Variants in AGMO observed in about 807,000 individuals in gnomAD.
AGMO encodes alkylglycerol monooxygenase.
A neutral mutation model predicts 60.2 loss-of-function variants in AGMO; 75 were observed. The observed-to-expected ratio is 1.25, with a 90% CI of 1.03 to 1.51. The LOEUF (loss-of-function observed/expected upper bound fraction) is 1.51. Ranked by LOEUF, AGMO falls within the 40% of genes most tolerant of loss-of-function variation. The pLI is 0.00. For synonymous variants in AGMO, 261 were observed against 177.1 expected (o/e 1.47, Z -3.76); for missense variants, 763 against 525.5 (o/e 1.45, Z -4.42).
chr7:15,494,424 CTGAGAT>C (rs1583612283), intron 3 of AGMO, among the ~76,000 whole-genome samples: 1 of 152,194 alleles, frequency 6.6e-6, no homozygotes, highest in East Asian at 1.9e-4. Flanking sequence ...TGTTTAATGA[CTGAGAT>C]TAAGATATGC....
At chr7:15,404,565 G>A (rs564080990) in intron 5 of AGMO, among the ~76,000 whole-genome samples, 113 of 151,928 alleles carry the variant, frequency 7.4e-4, no homozygotes, top group African/African-American at 2.7e-3. Context: ...TATATTTACA[G>A]GTTTAGGCAT....
intron 12 of AGMO, among the ~76,000 whole-genome samples, chr7:15,282,427 A>G (rs1783994343): frequency 6.6e-6 from 1 of 152,146 alleles, no homozygotes; most frequent in African/African-American, 2.4e-5. Flanking sequence ...GGGAGTTACA[A>G]AATGTAGTGG....
intron 10 of AGMO, among the ~76,000 whole-genome samples, chr7:15,380,349 A>G (rs750847914): frequency 1.3e-5 from 2 of 152,168 alleles, no homozygotes; most frequent in Non-Finnish European, 2.9e-5. Context: ...AATCACTGGC[A>G]TTTCTATACA....
chr7:15,377,581 T>C (rs1261369616), intron 10 of AGMO, among the ~76,000 whole-genome samples: 1 of 152,058 alleles, frequency 6.6e-6, no homozygotes, highest in Non-Finnish European at 1.5e-5. Flanking sequence ...CTTTTGTTTC[T>C]ATGAATCAGT....
chr7:15,340,837 TC>T (rs1320106694), intron 12 of AGMO, among the ~76,000 whole-genome samples: 1 of 151,580 alleles, frequency 6.6e-6, no homozygotes, highest in Non-Finnish European at 1.5e-5. Flanking sequence ...CCACACAGAG[TC>T]CCCACTGGGC....
the AGMO span, among the ~76,000 whole-genome samples, chr7:15,171,175 G>A: frequency 8.6e-5 from 13 of 152,024 alleles, no homozygotes; most frequent in East Asian, 2.3e-3. Context: ...TAGAGACGGG[G>A]TTTCACCGTG....
chr7:15,327,935 TA>T lies in AGMO; in HGVS notation c.1263+37578del, dbSNP rs1385367120. Among the ~76,000 whole-genome samples the T allele has an allele frequency of 4.4e-3, 652 of 147,640 alleles. 5 individuals are homozygous for T. The highest frequency in any genetic ancestry group is 0.017 in the Middle Eastern group (5 of 288). ...TGTATGCCATGTTGCCGGGCTAATT[TA>T]AAAAAAAAAATTTTTTTTTGGTTGA... On this transcript the variant is annotated intron_variant, in intron 12 of 12. Coordinates refer to ENST00000342526, the MANE Select transcript of AGMO (RefSeq NM_001004320.2).
At chr7:15,322,896 G>GAA (rs1429714077) in intron 12 of AGMO, among the ~76,000 whole-genome samples, 23 of 142,446 alleles carry the variant, frequency 1.6e-4, no homozygotes, top group Non-Finnish European at 2.4e-4. Context: ...CTTGATACAG[G>GAA]AAAAAATATA....
intron 3 of AGMO, among the ~76,000 whole-genome samples, chr7:15,434,360 A>C (rs1781339107): frequency 6.6e-6 from 1 of 152,128 alleles, no homozygotes; most frequent in South Asian, 2.1e-4. Flanking sequence ...AGTGTGAGCC[A>C]GATTTAGTGA....
At chr7:15,355,213 C>T (rs902703157) in intron 12 of AGMO, among the ~76,000 whole-genome samples, 20 of 151,952 alleles carry the variant, frequency 1.3e-4, no homozygotes, top group African/African-American at 4.6e-4. Flanking sequence ...GCTAAAGAAG[C>T]CAATATTGGC....
intron 12 of AGMO, among the ~76,000 whole-genome samples, chr7:15,265,302 G>A (rs754957626): frequency 7.9e-5 from 12 of 151,988 alleles, no homozygotes; most frequent in Non-Finnish European, 1.3e-4. Context: ...GAGAGAGGGA[G>A]AGAAGTGTGG....
intron 12 of AGMO, among the ~76,000 whole-genome samples, chr7:15,290,806 T>G (rs188713487): frequency 6.6e-6 from 1 of 152,206 alleles, no homozygotes; most frequent in Non-Finnish European, 1.5e-5. Context: ...ACAATCTGAA[T>G]GATAGTTAAA....
the AGMO span, among the ~76,000 whole-genome samples, chr7:15,148,913 AATT>A: frequency 5.3e-5 from 8 of 152,070 alleles, no homozygotes; most frequent in African/African-American, 1.7e-4. Flanking sequence ...CGGTGGGTAA[AATT>A]ATTAACATTC....
At chr7:15,327,740 CTT>C (rs546851399) in intron 12 of AGMO, among the ~76,000 whole-genome samples, 33 of 87,974 alleles carry the variant, frequency 3.8e-4, no homozygotes, top group African/African-American at 9.7e-4. Context: ...TGATTTCTTT[CTT>C]TTTTTTTTTT....
intron 12 of AGMO, among the ~76,000 whole-genome samples, chr7:15,348,253 T>C (rs1782105848): frequency 6.6e-6 from 1 of 152,072 alleles, no homozygotes; most frequent in Admixed American, 6.6e-5. Flanking sequence ...CATTCATCTG[T>C]ATCCTCTGTC....
intron 10 of AGMO, among the ~76,000 whole-genome samples, chr7:15,381,448 G>C (rs991692490): frequency 6.6e-6 from 1 of 152,042 alleles, no homozygotes. Context: ...CTGACTGTTA[G>C]AGAAATGCAA....
chr7:15,426,020 T>C (rs1260813364), intron 4 of AGMO, among the ~76,000 whole-genome samples: 2 of 152,216 alleles, frequency 1.3e-5, no homozygotes, highest in African/African-American at 2.4e-5. Context: ...ACTAGCTTTA[T>C]AGATAAAACA....
intron 12 of AGMO, among the ~76,000 whole-genome samples, chr7:15,358,658 C>CA (rs1459188273): frequency 1.3e-5 from 2 of 152,104 alleles, no homozygotes; most frequent in Non-Finnish European, 2.9e-5. Context: ...GAGAAGGAAG[C>CA]AACCCAAACC....
chr7:15,464,346 A>G (rs1018034054), intron 3 of AGMO, among the ~76,000 whole-genome samples: 2 of 152,228 alleles, frequency 1.3e-5, no homozygotes, highest in African/African-American at 4.8e-5. Flanking sequence ...AATATTAAAA[A>G]TAACTTACAG....
Sources: gnomAD v4.1 joint callset for allele counts (sites outside exome capture counted in the v4.1 genomes callset) on GRCh38, gnomAD v4.1.1 for gene constraint, MANE v1.5 for transcripts, NCBI Gene and HGNC (gene_info 2026-07-23, HGNC 2026-07-21) for gene names.